The following CISH variants were observed in gnomAD, a reference collection of about 807,000 sequenced individuals.
CISH encodes the protein cytokine-inducible SH2-containing protein.
CISH carries 11 observed loss-of-function variants against 21.3 expected under a neutral mutation model. The observed-to-expected ratio is 0.52, with a 90% CI of 0.32 to 0.85. The LOEUF is 0.85. Among genes scored for constraint, CISH ranks in the 40% least tolerant of loss-of-function variants. CISH has a pLI of 0.03. For synonymous variants in CISH, 118 were observed against 142.3 expected, an observed-to-expected ratio of 0.83 and a Z score of 1.22; for missense variants, 280 against 351.7, an observed-to-expected ratio of 0.80 and a Z score of 1.63.
chr3:50,611,513 T>A, intron 1 of CISH, 118 bp downstream of exon 1: 1 of 1,498,142 alleles, frequency 6.7e-7, no homozygotes, highest in Non-Finnish European at 8.9e-7. Flanking sequence ...GAGGTCCGTC[T>A]GCGCTCAGTC....
Position 50,611,634 on chromosome 3 carries a change from T to C in CISH, c.17A>G (p.Gln6Arg), listed in dbSNP as rs1185678890. The change falls in exon 1 of 3, where the codon CAG (glutamine) becomes CGG (arginine). Residue 6 changes from glutamine to arginine, a missense_variant. Physicochemically the swap from Gln to Arg is conservative, Grantham distance 43. Transcript: ENST00000348721. MVLCV[Q>R]GPRPLLAVER... ...GGGGGCAGAGAGCCGCGCTTACCCC[T>C]GAACGCAGAGGACCATGTCCCCGCG... The C allele has an allele frequency of 2.6e-6, 4 of 1,512,704 alleles. No homozygotes were observed. Among genetic ancestry groups the C allele is most frequent in the Admixed American group, 2.2e-5 (1 of 45,188 alleles). The allele number at this position is 1,512,704 out of a possible 1,614,324, so 93.7% of individuals were successfully genotyped here.
Position 50,607,256 on chromosome 3 carries a change from T to C in CISH, c.*351A>G, listed in dbSNP as rs1454020953. On this transcript the variant is annotated 3_prime_UTR_variant, in exon 3 of 3. Coordinates refer to ENST00000348721, the MANE Select transcript of CISH (RefSeq NM_145071.4). ...TAGGGGTCCTACCCGACCCTGGGGA[T>C]TGAAAAACCAGGGCTGAGAGTGCCC... 3.7e-6 allele frequency: 1 copy of C among 269,028 alleles called. No individual in the cohort carries two copies. The highest frequency in any genetic ancestry group is 2.2e-5 in the African/African-American group (1 of 46,390). 16.7% of individuals were successfully genotyped at this position (269,028 alleles called of 1,614,324 possible).
intron 1 of CISH, 124 bp downstream of exon 1, chr3:50,611,507 T>C: frequency 6.7e-7 from 1 of 1,492,764 alleles, no homozygotes; most frequent in Non-Finnish European, 8.9e-7. Context: ...GCTCCTGAGG[T>C]CCGTCTGCGC....
chr3:50,611,313 T>G, intron 1 of CISH: 1 of 1,301,558 alleles, frequency 7.7e-7, no homozygotes, highest in Non-Finnish European at 9.7e-7. Flanking sequence ...TCTGGGATTG[T>G]TGGCCACATC....
chr3:50,610,587 G>T, intron 1 of CISH: 1 of 1,484,906 alleles, frequency 6.7e-7, no homozygotes, highest in Non-Finnish European at 9.0e-7. Context: ...AGGCTCCTGG[G>T]GTGGAAGGCA....
At position 50,607,519 on chromosome 3, in the gene CISH, G is replaced by A; in HGVS notation, c.*88C>T. On this transcript the variant is annotated 3_prime_UTR_variant, in exon 3 of 3. Transcript: ENST00000348721. ...GTATGCAGGCACCAGGATGCCTGGA[G>A]GAGGGACAGTGGGGGCCCAAGTCCA... 1 of 1,387,952 alleles carries A rather than the reference G, an allele frequency of 7.2e-7. No individual in the cohort carries two copies. The highest frequency in any genetic ancestry group is 9.8e-7 in the Non-Finnish European group (1 of 1,015,492). 86.0% of individuals were successfully genotyped at this position (1,387,952 alleles called of 1,614,324 possible). A position where few individuals can be genotyped will look rare whatever the true frequency, so the allele number is the denominator to read the frequency against.
rs1325156710 is a variant in CISH, at chr3:50,608,097, A to G, written c.287T>C (p.Leu96Pro). ...SITASEARQHLQKMPEGTFLV... is the reference protein window; with the variant it reads ...SITASEARQHPQKMPEGTFLV... ...GAACGTGCCTTCTGGCATCTTCTGC[A>G]GGTGTTGTCGGGCCTCGCTGGCCGT... The change falls in exon 3 of 3, where the codon CTG becomes CCG. Residue 96 changes from leucine to proline, a missense_variant. By Grantham distance (98) the Leu-to-Pro change is moderately conservative. Transcript: ENST00000348721. 3 of 1,611,156 alleles carry G rather than the reference A, an allele frequency of 1.9e-6. No homozygotes were observed. The highest frequency in any genetic ancestry group is 2.5e-6 in the Non-Finnish European group (3 of 1,178,092).
At chr3:50,610,277 A>G in intron 1 of CISH, 1 of 1,375,140 alleles carries the variant, frequency 7.3e-7, no homozygotes, top group South Asian at 1.3e-5. Context: ...CGGTCCTCAG[A>G]TCCCACATGT....
Position 50,607,505 on chromosome 3 carries a change from C to T in CISH, c.*102G>A. 2 of 1,248,976 alleles carry T rather than the reference C, an allele frequency of 1.6e-6. No homozygotes were observed. The highest frequency in any genetic ancestry group is 2.2e-6 in the Non-Finnish European group (2 of 897,020). 77.4% of individuals were successfully genotyped at this position (1,248,976 alleles called of 1,614,324 possible). A position where few individuals can be genotyped will look rare whatever the true frequency, so the allele number is the denominator to read the frequency against. ...GCCAGCTGCCAGAGGTATGCAGGCA[C>T]CAGGATGCCTGGAGGAGGGACAGTG... On this transcript the variant is annotated 3_prime_UTR_variant, in exon 3 of 3. Transcript: ENST00000348721.
intron 1 of CISH, chr3:50,610,451 C>T (rs1293407670): frequency 6.4e-7 from 1 of 1,551,430 alleles, no homozygotes; most frequent in South Asian, 1.2e-5. Flanking sequence ...CATGTGTGTG[C>T]CCGCTTTGGA....
chr3:50,608,143 C>A lies in CISH; in HGVS notation c.242-1G>T. The A allele has an allele frequency of 6.3e-7, 1 of 1,598,874 alleles. No individual in the cohort carries two copies. Reference sequence around the variant, plus strand: ...GCCGTAATGGAACCCCAATACCAGCCTAGGCAAGTGCAGAGGGGGCCAAGG... The same window carrying A: ...GCCGTAATGGAACCCCAATACCAGCATAGGCAAGTGCAGAGGGGGCCAAGG... On this transcript the variant is annotated splice_acceptor_variant, in intron 2 of 2. Coordinates refer to ENST00000348721, the MANE Select transcript of CISH (RefSeq NM_145071.4). LOFTEE classifies it high-confidence loss of function.
At chr3:50,611,492 G>T (rs905642634) in intron 1 of CISH, 139 bp downstream of exon 1, 2 of 1,481,590 alleles carry the variant, frequency 1.3e-6, no homozygotes, top group Non-Finnish European at 1.8e-6. Flanking sequence ...CCCACACAGA[G>T]CCTTGCTCCT....
chr3:50,609,606 G>C (rs144956172), intron 1 of CISH: 25 of 152,200 alleles, frequency 1.6e-4, no homozygotes, highest in African/African-American at 6.0e-4. Context: ...AGCAGGGACT[G>C]GCTCTACTTC....
chr3:50,611,323 C>T (rs2032317963), intron 1 of CISH: 2 of 1,319,702 alleles, frequency 1.5e-6, no homozygotes. Flanking sequence ...TTGGCCACAT[C>T]TTGGGGGACG....
intron 1 of CISH, chr3:50,610,975 G>A (rs1575987612): frequency 2.0e-6 from 2 of 992,118 alleles, no homozygotes; most frequent in Non-Finnish European, 2.4e-6. Context: ...CTTACCTCAA[G>A]TCTGGGAAAT....
Position 50,608,547 on chromosome 3 carries a change from A to C in CISH, c.67T>G (p.Trp23Gly). 1 of 1,591,742 alleles carries C rather than the reference A, an allele frequency of 6.3e-7. No individual in the cohort carries two copies. The highest frequency in any genetic ancestry group is 8.5e-7 in the Non-Finnish European group (1 of 1,169,964). The change falls in exon 2 of 3, where the codon TGG becomes GGG. Residue 23 changes from tryptophan to glycine, a missense_variant. Trp to Gly is a radical substitution (Grantham distance 184). Coordinates refer to ENST00000348721, the MANE Select transcript of CISH (RefSeq NM_145071.4). ...AVERTGQRPLWAPSLELPKPV... is the reference protein window; with the variant it reads ...AVERTGQRPLGAPSLELPKPV... ...TTGGGCAGTTCCAGGGACGGGGCCC[A>C]CAGGGGCCGCTGCCCAGTCCGCTCC... is the stretch of plus-strand genomic sequence containing the variant.
At chr3:50,611,550 T>C (rs1171685029) in intron 1 of CISH, 81 bp downstream of exon 1, 3 of 1,521,550 alleles carry the variant, frequency 2.0e-6, no homozygotes, top group African/African-American at 1.4e-5. Flanking sequence ...GCCCTCCCAA[T>C]GCCCGGCAGC....
intron 1 of CISH, chr3:50,610,418 C>G: frequency 6.4e-7 from 1 of 1,551,572 alleles, no homozygotes; most frequent in Non-Finnish European, 8.7e-7. Flanking sequence ...ATGGTGGGGA[C>G]AGTGGCTGGT....
Position 50,611,736 on chromosome 3 carries a change from G to A in CISH, c.-86C>T, listed in dbSNP as rs1453319759. ...AACCAGTGGGCGCGGAGCGCGTGCTGGGTAGGCTCCCGGGGCGCGCGGGCG... is the reference window on the plus strand; with the variant it reads ...AACCAGTGGGCGCGGAGCGCGTGCTAGGTAGGCTCCCGGGGCGCGCGGGCG... On this transcript the variant is annotated 5_prime_UTR_variant, in exon 1 of 3. Transcript: ENST00000348721. 1.4e-6 allele frequency: 2 copies of A among 1,403,522 alleles called. No individual in the cohort carries two copies. The highest frequency in any genetic ancestry group is 9.3e-7 in the Non-Finnish European group (1 of 1,080,862). The allele number at this position is 1,403,522 out of a possible 1,614,324, so 86.9% of individuals were successfully genotyped here. A position where few individuals can be genotyped will look rare whatever the true frequency, so the allele number is the denominator to read the frequency against.
Sources: gnomAD v4.1 joint callset for allele counts on GRCh38, gnomAD v4.1.1 for gene constraint, MANE v1.5 for transcripts, NCBI Gene and HGNC (gene_info 2026-07-23, HGNC 2026-07-21) for gene names.